ASAP2: variants seen among roughly 807,000 people sequenced by gnomAD.
ASAP2 encodes the protein ArfGAP with SH3 domain, ankyrin repeat and PH domain 2.
A neutral mutation model predicts 131.4 loss-of-function variants in ASAP2; 45 were observed. That is an observed-to-expected ratio of 0.34 (90% CI 0.27 to 0.44). The LOEUF (loss-of-function observed/expected upper bound fraction) is 0.44. Ranked by LOEUF, ASAP2 falls within the 20% of genes least tolerant of loss-of-function variation. ASAP2 has a pLI of 1.00. For synonymous variants in ASAP2, 510 were observed against 503.0 expected (o/e 1.01, Z -0.19); for missense variants, 1,011 against 1,297.0 (o/e 0.78, Z 3.39).
Position 9,311,308 on chromosome 2 carries a change from G to A in ASAP2, c.346-7216G>A, listed in dbSNP as rs1208522545. ...AGCTACTCGGGAGGCAGAGGTGGGA[G>A]GATCACTGGAGCCCCACTGTGCTCC... is the stretch of plus-strand genomic sequence containing the variant. On this transcript the variant is annotated intron_variant, in intron 3 of 27. Coordinates refer to ENST00000281419, the MANE Select transcript of ASAP2 (RefSeq NM_003887.3). The surrounding 1 kb of genome is among the most constrained non-coding windows in gnomAD (Gnocchi z 5.2). 2.0e-5 allele frequency among the ~76,000 whole-genome samples: 3 copies of A among 151,924 alleles called. No individual in the cohort carries two copies.
chr2:9,340,275 C>T (rs1283267155), intron 9 of ASAP2, among the ~76,000 whole-genome samples: 1 of 152,196 alleles, frequency 6.6e-6, no homozygotes, highest in Non-Finnish European at 1.5e-5. Context: ...CCCGCCTCCG[C>T]CTCCCAAAGT....
chr2:9,344,707 T>C (rs771965273), intron 10 of ASAP2, 24 bp from the exon 11 acceptor site: 4 of 1,613,634 alleles, frequency 2.5e-6, no homozygotes, highest in Admixed American at 1.7e-5. Flanking sequence ...TAAACTCTTA[T>C]TGTTTCTCCC....
At chr2:9,263,191 T>C (rs1361636146) in intron 1 of ASAP2, among the ~76,000 whole-genome samples, 2 of 152,200 alleles carry the variant, frequency 1.3e-5, no homozygotes, top group Non-Finnish European at 2.9e-5. Flanking sequence ...TCTGGTGTCA[T>C]GTCCCCTCTT....
intron 21 of ASAP2, among the ~76,000 whole-genome samples, chr2:9,385,971 A>G (rs1675228491): frequency 6.6e-6 from 1 of 152,218 alleles, no homozygotes; most frequent in Non-Finnish European, 1.5e-5. Flanking sequence ...TGCTGCCTTC[A>G]CGCAGGACTT....
At chr2:9,359,983 A>G (rs1672980099) in intron 15 of ASAP2, among the ~76,000 whole-genome samples, 1 of 152,218 alleles carries the variant, frequency 6.6e-6, no homozygotes, top group Non-Finnish European at 1.5e-5. Context: ...ACATACAGCA[A>G]TTATTGTTCA....
chr2:9,270,271 T>C (rs1666248574), intron 1 of ASAP2, among the ~76,000 whole-genome samples: 1 of 152,142 alleles, frequency 6.6e-6, no homozygotes, highest in South Asian at 2.1e-4. Context: ...AAGTTGCTTT[T>C]CCCCCGCTCT....
At chr2:9,393,869 A>C (rs1348249026) in intron 24 of ASAP2, among the ~76,000 whole-genome samples, 1 of 152,258 alleles carries the variant, frequency 6.6e-6, no homozygotes, top group East Asian at 1.9e-4. Flanking sequence ...ATGAATTCAG[A>C]CAAAGTGTCC....
At chr2:9,265,574 A>G (rs949009671) in intron 1 of ASAP2, among the ~76,000 whole-genome samples, 6 of 152,224 alleles carry the variant, frequency 3.9e-5, no homozygotes, top group African/African-American at 1.4e-4. Flanking sequence ...AAAGTGGGAA[A>G]ACAAAAAATT....
intron 6 of ASAP2, among the ~76,000 whole-genome samples, chr2:9,325,404 G>T (rs1670416144): frequency 6.6e-6 from 1 of 152,164 alleles, no homozygotes; most frequent in African/African-American, 2.4e-5. Flanking sequence ...ATTAAGTACT[G>T]TAGTAGCATT....
chr2:9,366,142 A>G (rs762607605), intron 15 of ASAP2, among the ~76,000 whole-genome samples: 1 of 151,976 alleles, frequency 6.6e-6, no homozygotes, highest in Non-Finnish European at 1.5e-5. Flanking sequence ...GGGGTTCTCT[A>G]TGGGCTGAAA....
chr2:9,369,940 C>T (rs1673804940), intron 16 of ASAP2, among the ~76,000 whole-genome samples: 1 of 152,124 alleles, frequency 6.6e-6, no homozygotes, highest in Non-Finnish European at 1.5e-5. Flanking sequence ...CTCCTGGGTT[C>T]GAGTGATTCT....
At chr2:9,350,752 TTTCCA>T in intron 11 of ASAP2, 51 bp from the exon 12 acceptor site, 1 of 1,474,428 alleles carries the variant, frequency 6.8e-7, no homozygotes, top group South Asian at 1.2e-5. Flanking sequence ...ACTGTATGAT[TTTCCA>T]TTCCTTCCAC....
At chr2:9,367,279 C>T (rs1212105979) in intron 15 of ASAP2, among the ~76,000 whole-genome samples, 2 of 151,848 alleles carry the variant, frequency 1.3e-5, no homozygotes, top group Middle Eastern at 3.2e-3. Flanking sequence ...CCGATCCACC[C>T]GCCTCGGCCT....
chr2:9,374,821 G>A lies in ASAP2; in HGVS notation c.1623G>A (p.Ala541=), dbSNP rs545167892. 1.9e-5 allele frequency: 31 copies of A among 1,613,932 alleles called. No homozygotes were observed. Among genetic ancestry groups the A allele is most frequent in the South Asian group, 4.4e-5 (4 of 91,054 alleles). ...IERRYARKKH[A]DNAAKLHSLC... is the part of the protein sequence containing the mutation. ...GGAGATACGCAAGGAAGAAGCACGC[G>A]GATAACGCGGCGAAGCTTCACAGTC... Residue 541 remains alanine (A), a synonymous_variant, in exon 17 of 28, where the codon GCG becomes GCA. Transcript: ENST00000281419.
intron 3 of ASAP2, among the ~76,000 whole-genome samples, chr2:9,313,173 G>A (rs1669422640): frequency 3.9e-5 from 6 of 152,214 alleles, no homozygotes; most frequent in South Asian, 2.1e-4. Context: ...AACGAAGAAC[G>A]AAAGCAAGCC....
intron 1 of ASAP2, among the ~76,000 whole-genome samples, chr2:9,249,927 C>T (rs1664592430): frequency 6.6e-6 from 1 of 152,194 alleles, no homozygotes; most frequent in South Asian, 2.1e-4. Context: ...AACATTGGGC[C>T]ACCGTCTCCT....
intron 1 of ASAP2, among the ~76,000 whole-genome samples, chr2:9,248,088 G>A (rs1035231858): frequency 6.6e-6 from 1 of 152,198 alleles, no homozygotes; most frequent in Admixed American, 6.5e-5. Context: ...TGGAGAAGGG[G>A]TGGCTGATGG....
chr2:9,270,785 A>ATTTTTTTTTTTTTTTTTTTTTTTTTTT (rs35913703), intron 1 of ASAP2, among the ~76,000 whole-genome samples: 5 of 52,928 alleles, frequency 9.4e-5, no homozygotes, highest in Non-Finnish European at 1.4e-4. Flanking sequence ...AATTGTTTTC[A>ATTTTTTTTTTTTTTTTTTTTTTTTTTT]TTTTTTTTTT....
At chr2:9,303,965 G>A (rs919406555) in intron 3 of ASAP2, among the ~76,000 whole-genome samples, 1 of 152,238 alleles carries the variant, frequency 6.6e-6, no homozygotes, top group African/African-American at 2.4e-5. Flanking sequence ...ATGCGCTGGT[G>A]CTGTATGGGG....
Sources: gnomAD v4.1 joint callset for allele counts (sites outside exome capture counted in the v4.1 genomes callset) on GRCh38, gnomAD v4.1.1 for gene constraint, Gnocchi (gnomAD v3.1) non-coding constraint, MANE v1.5 for transcripts, NCBI Gene and HGNC (gene_info 2026-07-23, HGNC 2026-07-21) for gene names.